Variants in FAM168A observed in about 807,000 individuals in gnomAD.
FAM168A encodes family with sequence similarity 168 member A.
A neutral mutation model predicts 28.5 loss-of-function variants in FAM168A; 3 were observed. The observed-to-expected ratio is 0.11, with a 90% confidence interval of 0.05 to 0.27. The LOEUF is 0.27. FAM168A is among the 10% of genes least tolerant of loss of function. FAM168A has a pLI of 1.00. For synonymous variants in FAM168A, 122 were observed against 124.2 expected, an observed-to-expected ratio of 0.98 and a Z score of 0.12; for missense variants, 222 against 311.5, an observed-to-expected ratio of 0.71 and a Z score of 2.16.
intron 1 of FAM168A, among the ~76,000 whole-genome samples, chr11:73,495,120 A>G (rs1439824594): frequency 2.7e-5 from 4 of 147,564 alleles, no homozygotes; most frequent in Non-Finnish European, 5.9e-5. Flanking sequence ...GCTTAATGGT[A>G]TAGACGTAAA....
At position 73,402,549 on chromosome 11, in the gene FAM168A, CAG is replaced by C. The variant is rs2134468001; in HGVS notation, c.*4212_*4213del. 1 of 152,354 alleles carries C rather than the reference CAG, an allele frequency of 6.6e-6. No individual in the cohort carries two copies. The highest frequency in any genetic ancestry group is 2.4e-5 in the African/African-American group (1 of 41,574). 9.4% of individuals were successfully genotyped at this position (152,354 alleles called of 1,614,324 possible). On this transcript the variant is annotated 3_prime_UTR_variant, in exon 8 of 8. Coordinates refer to ENST00000356467, the MANE Select transcript of FAM168A (RefSeq NM_015159.3). Reference sequence around the variant, plus strand: ...TCGGGTGGCCAGGGGTAAGGATGCTCAGAGTCTGGTTCTGGTCCTCACCCATG... The same window carrying C: ...TCGGGTGGCCAGGGGTAAGGATGCTCAGTCTGGTTCTGGTCCTCACCCATG...
intron 1 of FAM168A, among the ~76,000 whole-genome samples, chr11:73,565,949 G>C (rs1192305096): frequency 6.6e-6 from 1 of 152,190 alleles, no homozygotes; most frequent in Non-Finnish European, 1.5e-5. Context: ...CTCAAGCTGA[G>C]ATCAAAATAG....
At chr11:73,569,750 G>A (rs1178650573) in intron 1 of FAM168A, among the ~76,000 whole-genome samples, 1 of 151,912 alleles carries the variant, frequency 6.6e-6, no homozygotes, top group Admixed American at 6.6e-5. Flanking sequence ...TGAACCCGGG[G>A]GGATCGGAGG....
At chr11:73,504,698 G>A (rs1050417697) in intron 1 of FAM168A, among the ~76,000 whole-genome samples, 6 of 152,122 alleles carry the variant, frequency 3.9e-5, no homozygotes, top group African/African-American at 1.4e-4. Flanking sequence ...AAAGACACAT[G>A]CACATATATG....
chr11:73,428,130 C>T (rs1866922295), intron 3 of FAM168A, among the ~76,000 whole-genome samples: 1 of 152,154 alleles, frequency 6.6e-6, no homozygotes, highest in African/African-American at 2.4e-5. Context: ...CACCCTGTCT[C>T]CACCTGCTAC....
chr11:73,558,194 GA>G, intron 1 of FAM168A, among the ~76,000 whole-genome samples: 1 of 152,208 alleles, frequency 6.6e-6, no homozygotes, highest in East Asian at 1.9e-4. Flanking sequence ...TCAAAAAAGT[GA>G]AGAGGCCAAA....
chr11:73,517,063 G>A (rs1356382129), intron 1 of FAM168A, among the ~76,000 whole-genome samples: 2 of 152,180 alleles, frequency 1.3e-5, no homozygotes, highest in African/African-American at 4.8e-5. Context: ...ATTTGTAGCT[G>A]TAATTACGGC....
chr11:73,427,553 C>T (rs887274537), intron 3 of FAM168A, among the ~76,000 whole-genome samples: 1 of 152,162 alleles, frequency 6.6e-6, no homozygotes, highest in African/African-American at 2.4e-5. Context: ...TGGCAGGGTG[C>T]TGGGGCTTGG....
At position 73,549,032 on chromosome 11, in the gene FAM168A, C is replaced by G. The variant is rs372919031; in HGVS notation, c.-19+48891G>C. On this transcript the variant is annotated intron_variant, in intron 1 of 7. Transcript: ENST00000356467. ...TCCCGGCTCACTGCAACCTCCACCCCCCGAGTTCAAGCAATTCTCCTGCCT... is the reference window on the plus strand; with the variant it reads ...TCCCGGCTCACTGCAACCTCCACCCGCCGAGTTCAAGCAATTCTCCTGCCT... 2.1e-3 allele frequency among the ~76,000 whole-genome samples: 318 copies of G among 152,302 alleles called. 1 individual carries two copies. Among genetic ancestry groups the G allele is most frequent in the Middle Eastern group, 0.01 (3 of 294 alleles).
chr11:73,460,465 A>C (rs58334887), intron 2 of FAM168A, among the ~76,000 whole-genome samples: 12,289 of 151,144 alleles, frequency 0.081, 646 homozygotes, highest in Non-Finnish European at 0.11. Flanking sequence ...CTGGGGATAT[A>C]ATGATGATGA....
rs537785361 is a variant in FAM168A, at chr11:73,594,521, G to A, written c.-19+3402C>T. On this transcript the variant is annotated intron_variant, in intron 1 of 7. Transcript: ENST00000356467. ...TTTTGCAGCCATTACCACTAAATAT[G>A]AAAGGTTTTTTGTTTGTTTTTTGTT... Among the ~76,000 whole-genome samples, 5 of 152,220 alleles carry A rather than the reference G, an allele frequency of 3.3e-5. No homozygotes were observed. In the South Asian group the frequency reaches 1.0e-3, roughly 32 times the overall value.
intron 1 of FAM168A, among the ~76,000 whole-genome samples, chr11:73,596,552 T>C (rs1944440932): frequency 6.6e-6 from 1 of 152,158 alleles, no homozygotes; most frequent in African/African-American, 2.4e-5. Flanking sequence ...CAGATTAAAA[T>C]GGCCCCTAAG....
At chr11:73,523,268 G>A (rs542299641) in intron 1 of FAM168A, among the ~76,000 whole-genome samples, 17 of 151,988 alleles carry the variant, frequency 1.1e-4, no homozygotes, top group Non-Finnish European at 2.2e-4. Context: ...TGGTAATAAC[G>A]CTTTACTTCA....
intron 1 of FAM168A, among the ~76,000 whole-genome samples, chr11:73,540,761 T>A (rs1202652784): frequency 6.6e-6 from 1 of 152,186 alleles, no homozygotes. Flanking sequence ...TTACATTATA[T>A]TCTTTATTAA....
chr11:73,496,903 A>ACACG (rs755089712), intron 1 of FAM168A, among the ~76,000 whole-genome samples: 10,980 of 148,422 alleles, frequency 0.074, 495 homozygotes, highest in Non-Finnish European at 0.098. Flanking sequence ...ACACACACAC[A>ACACG]CACGCACACA....
At chr11:73,518,948 C>T (rs1943338826) in intron 1 of FAM168A, among the ~76,000 whole-genome samples, 1 of 152,138 alleles carries the variant, frequency 6.6e-6, no homozygotes, top group African/African-American at 2.4e-5. Flanking sequence ...ATTTCACTGG[C>T]TCCCCTTCCC....
rs548733748 is a variant in FAM168A at position 73,425,382 on chromosome 11, T to G, written c.151+5308A>C. On this transcript the variant is annotated intron_variant, in intron 3 of 7. Coordinates refer to ENST00000356467, the MANE Select transcript of FAM168A (RefSeq NM_015159.3). Reference sequence around the variant, plus strand: ...AGTTCTCCCAGGAACTGCAGAGGGATTTCACATATGGCAGATGTGTTAGAG... The same window carrying G: ...AGTTCTCCCAGGAACTGCAGAGGGAGTTCACATATGGCAGATGTGTTAGAG... Among the ~76,000 whole-genome samples the G allele has an allele frequency of 2.0e-5, 3 of 152,330 alleles. No individual in the cohort carries two copies. In the South Asian group the frequency reaches 6.2e-4, roughly 32 times the overall value.
At chr11:73,596,396 T>G (rs1833159216) in intron 1 of FAM168A, among the ~76,000 whole-genome samples, 1 of 152,154 alleles carries the variant, frequency 6.6e-6, no homozygotes, top group African/African-American at 2.4e-5. Context: ...TCCCCCAACT[T>G]ACTTTTTATG....
intron 1 of FAM168A, among the ~76,000 whole-genome samples, chr11:73,471,484 A>T (rs577815148): frequency 6.6e-6 from 1 of 152,234 alleles, no homozygotes; most frequent in Non-Finnish European, 1.5e-5. Flanking sequence ...ACATCACCAC[A>T]ATCAAGATAT....
Sources: allele counts gnomAD v4.1 joint callset (sites outside exome capture counted in the v4.1 genomes callset), GRCh38; gene constraint gnomAD v4.1.1; transcripts MANE v1.5; gene names NCBI Gene and HGNC (gene_info 2026-07-23, HGNC 2026-07-21).